Variants in RAP1GAP2 observed in about 807,000 individuals in gnomAD.
RAP1GAP2 encodes rap1 GTPase-activating protein 2.
Under a neutral mutation model 95.0 loss-of-function variants are expected in RAP1GAP2, and 27 were observed. That is an observed-to-expected ratio of 0.28 (90% confidence interval 0.21 to 0.39). RAP1GAP2 has a LOEUF of 0.39. Ranked by LOEUF, RAP1GAP2 falls within the 10% of genes least tolerant of loss-of-function variation. RAP1GAP2 has a pLI of 1.00. For synonymous variants in RAP1GAP2, 373 were observed against 380.9 expected (o/e 0.98, Z 0.24); for missense variants, 771 against 970.0 (o/e 0.79, Z 2.72).
chr17:2,963,911 A>G lies in RAP1GAP2; in HGVS notation c.335A>G (p.Tyr112Cys), dbSNP rs778387132. Residue 112 changes from tyrosine to cysteine, a missense_variant, in exon 7 of 25, where the codon TAT becomes TGT. Transcript: ENST00000254695. The surrounding 1 kb of genome is among the most constrained non-coding windows in gnomAD (Gnocchi z 4.8). The part of the protein sequence containing the change: ...PQVILPQFGG[Y>C]WIEDPENVGT... ...GTCATCCTGCCACAGTTTGGGGGCT[A>G]TTGGATCGAGGACCCGGAGAACGTG... 4 of 1,613,314 alleles carry G rather than the reference A, an allele frequency of 2.5e-6. No individual in the cohort carries two copies. The highest frequency in any genetic ancestry group is 3.4e-6 in the Non-Finnish European group (4 of 1,179,750).
chr17:2,878,467 CCT>C (rs1402364309), intron 2 of RAP1GAP2, among the ~76,000 whole-genome samples: 14 of 152,052 alleles, frequency 9.2e-5, no homozygotes, highest in Non-Finnish European at 1.9e-4. Context: ...TGCGGAAGCC[CCT>C]GTCTGTATGC....
chr17:2,983,727 T>TA (rs780616381), intron 10 of RAP1GAP2, among the ~76,000 whole-genome samples: 1 of 152,224 alleles, frequency 6.6e-6, no homozygotes, highest in Non-Finnish European at 1.5e-5. Context: ...TGAAAAATGA[T>TA]ACTCAGTTTT....
chr17:2,870,817 AG>A lies in RAP1GAP2; in HGVS notation c.81-34463del, dbSNP rs2072813080. Reference sequence around the variant, plus strand: ...TTGGGCCTCAGAAACAGCTGGATCCAGGGGCATTGGCAGAACTCCTCTCTGT... The same window carrying A: ...TTGGGCCTCAGAAACAGCTGGATCCAGGGCATTGGCAGAACTCCTCTCTGT... On this transcript the variant is annotated intron_variant, in intron 2 of 24. Transcript: ENST00000254695. This position sits in a 1 kb window ranked among gnomAD's most constrained non-coding sequence, Gnocchi z 4.4. 6.6e-6 allele frequency among the ~76,000 whole-genome samples: 1 copy of A among 152,194 alleles called. No individual in the cohort carries two copies. The highest frequency in any genetic ancestry group is 2.4e-5 in the African/African-American group (1 of 41,450).
At chr17:2,892,065 C>T (rs145385903) in intron 2 of RAP1GAP2, among the ~76,000 whole-genome samples, 1 of 152,202 alleles carries the variant, frequency 6.6e-6, no homozygotes, top group East Asian at 1.9e-4. Flanking sequence ...CTCAGGTGAT[C>T]TGCCTGTCTC....
chr17:2,886,283 T>C (rs969778439), intron 2 of RAP1GAP2, among the ~76,000 whole-genome samples: 2 of 151,612 alleles, frequency 1.3e-5, no homozygotes, highest in Non-Finnish European at 2.9e-5. Context: ...AGCGATTCTT[T>C]TGCCTCAGCC....
chr17:2,881,916 G>C (rs2073311470), intron 2 of RAP1GAP2, among the ~76,000 whole-genome samples: 1 of 152,058 alleles, frequency 6.6e-6, no homozygotes, highest in African/African-American at 2.4e-5. Context: ...TGTCTCCCGG[G>C]TTCACGCCAT....
At chr17:2,793,898 C>G (rs1474626053), upstream of RAP1GAP2, among the ~76,000 whole-genome samples, 1 of 151,818 alleles carries the variant, frequency 6.6e-6, no homozygotes, top group Non-Finnish European at 1.5e-5. Context: ...GTCAGGAGTT[C>G]GAGACTAGCC....
chr17:2,798,692 G>C (rs192681117), intron 1 of RAP1GAP2, among the ~76,000 whole-genome samples: 2 of 152,248 alleles, frequency 1.3e-5, no homozygotes, highest in East Asian at 3.9e-4. Context: ...CAGGAGCCTT[G>C]GCTTCCTGAA....
intron 1 of RAP1GAP2, among the ~76,000 whole-genome samples, chr17:2,799,736 T>C (rs1042093830): frequency 6.6e-6 from 1 of 152,130 alleles, no homozygotes; most frequent in African/African-American, 2.4e-5. Flanking sequence ...CAAGAGGAGA[T>C]ACTGACAGTG....
intron 8 of RAP1GAP2, among the ~76,000 whole-genome samples, chr17:2,969,413 C>A (rs1038632658): frequency 1.1e-4 from 17 of 148,572 alleles, no homozygotes; most frequent in Admixed American, 7.6e-4. Context: ...GACTTCTAGG[C>A]TCCAACCCAA....
chr17:2,879,489 A>G (rs1007628366), intron 2 of RAP1GAP2, among the ~76,000 whole-genome samples: 4 of 150,580 alleles, frequency 2.7e-5, no homozygotes, highest in Non-Finnish European at 5.9e-5. Flanking sequence ...GCACTTTGAG[A>G]GGCCAAGGCG....
At chr17:2,969,277 T>G (rs2151505303) in intron 8 of RAP1GAP2, among the ~76,000 whole-genome samples, 2 of 151,868 alleles carry the variant, frequency 1.3e-5, no homozygotes, top group East Asian at 3.9e-4. Flanking sequence ...TTTACACAAA[T>G]TGATTGCATA....
intron 2 of RAP1GAP2, among the ~76,000 whole-genome samples, chr17:2,812,201 A>C (rs2069799167): frequency 6.6e-6 from 1 of 152,134 alleles, no homozygotes; most frequent in African/African-American, 2.4e-5. Flanking sequence ...CCCCAAGAAC[A>C]GTGCTCTTGC....
At chr17:3,007,976 G>A in intron 16 of RAP1GAP2, 35 bp from the exon 17 acceptor site, 2 of 1,608,262 alleles carry the variant, frequency 1.2e-6, no homozygotes, top group Non-Finnish European at 8.5e-7. Flanking sequence ...TGCTCTCAGA[G>A]CCAGCTTCTC....
chr17:2,902,841 T>C lies in RAP1GAP2; in HGVS notation c.81-2443T>C, dbSNP rs1363022533. On this transcript the variant is annotated intron_variant, in intron 2 of 24. Transcript: ENST00000254695. This position sits in a 1 kb window ranked among gnomAD's most constrained non-coding sequence, Gnocchi z 4.1. ...GGAGAGGGGCTCAGCTCAGGGAGTG[T>C]TGGATGCTGCGCCCTTTTGACCGGG... is the stretch of plus-strand genomic sequence containing the variant. 6.6e-6 allele frequency among the ~76,000 whole-genome samples: 1 copy of C among 152,076 alleles called. No homozygotes were observed. The highest frequency in any genetic ancestry group is 1.5e-5 in the Non-Finnish European group (1 of 68,014).
chr17:3,005,824 G>T lies in RAP1GAP2; in HGVS notation c.1273-131G>T, dbSNP rs2046313527. ...AGTGGGCTTGGCCTGGGCTAGAAAT[G>T]ATCCGCTGTCGGAAGGGACTTTTCA... On this transcript the variant is annotated intron_variant, in intron 15 of 24. Coordinates refer to ENST00000254695, the MANE Select transcript of RAP1GAP2 (RefSeq NM_015085.5). This position sits in a 1 kb window ranked among gnomAD's most constrained non-coding sequence, Gnocchi z 5.2. 4.7e-6 allele frequency: 4 copies of T among 853,712 alleles called. No individual in the cohort carries two copies. In the South Asian group the frequency reaches 5.7e-5, roughly 12 times the overall value. The allele number at this position is 853,712 out of a possible 1,614,324, so 52.9% of individuals were successfully genotyped here.
In RAP1GAP2 at chr17:2,965,417, A is replaced by G. The variant is rs2151493772; in HGVS notation, c.493-123A>G. 1.4e-6 allele frequency: 1 copy of G among 738,062 alleles called. No individual in the cohort carries two copies. The allele number at this position is 738,062 out of a possible 1,614,324, so 45.7% of individuals were successfully genotyped here. ...ACCTGTTAATGTCGTTGTCATTGTC[A>G]TCAGTAGCATCCTTCTCTTCCTTGT... On this transcript the variant is annotated intron_variant, in intron 7 of 24. Coordinates refer to ENST00000254695, the MANE Select transcript of RAP1GAP2 (RefSeq NM_015085.5). The surrounding 1 kb of genome is among the most constrained non-coding windows in gnomAD (Gnocchi z 4.7).
chr17:2,924,198 A>G (rs2042880692), intron 3 of RAP1GAP2, among the ~76,000 whole-genome samples: 1 of 152,030 alleles, frequency 6.6e-6, no homozygotes, highest in Non-Finnish European at 1.5e-5. Flanking sequence ...GAGAGGGTGC[A>G]GTCTGGGAAC....
intron 3 of RAP1GAP2, among the ~76,000 whole-genome samples, chr17:2,905,987 C>T (rs1204771033): frequency 6.6e-6 from 1 of 152,224 alleles, no homozygotes; most frequent in East Asian, 1.9e-4. Context: ...ACTTTTCAGT[C>T]CGACGCCTCG....
Sources: gnomAD v4.1 joint callset for allele counts (sites outside exome capture counted in the v4.1 genomes callset) on GRCh38, gnomAD v4.1.1 for gene constraint, Gnocchi (gnomAD v3.1) non-coding constraint, MANE v1.5 for transcripts, NCBI Gene and HGNC (gene_info 2026-07-23, HGNC 2026-07-21) for gene names.